Variants in PIAS1 observed in about 807,000 individuals in gnomAD.
PIAS1 encodes E3 SUMO-protein ligase PIAS1.
A neutral mutation model predicts 71.3 loss-of-function variants in PIAS1; 6 were observed. The observed-to-expected ratio is 0.08, with a 90% CI of 0.05 to 0.17. The LOEUF (loss-of-function observed/expected upper bound fraction) is 0.17. Among genes scored for constraint, PIAS1 ranks in the 10% least tolerant of loss-of-function variants. The pLI is 1.00. For synonymous variants in PIAS1, 303 were observed against 292.9 expected (o/e 1.03, Z -0.35); for missense variants, 555 against 793.6 (o/e 0.70, Z 3.61).
chr15:68,094,462 C>G (rs1356300217), intron 2 of PIAS1, among the ~76,000 whole-genome samples: 1 of 151,880 alleles, frequency 6.6e-6, no homozygotes, highest in East Asian at 1.9e-4. Context: ...TAAAATGATC[C>G]ATCAGGTTTT....
chr15:68,164,678 T>C, intron 7 of PIAS1, 53 bp from the exon 8 acceptor site: 1 of 934,214 alleles, frequency 1.1e-6, no homozygotes, highest in Non-Finnish European at 1.7e-6. Flanking sequence ...TCCAGTAATG[T>C]ATCTTTAATA....
intron 8 of PIAS1, among the ~76,000 whole-genome samples, chr15:68,168,248 A>C (rs1750063857): frequency 6.6e-6 from 1 of 151,954 alleles, no homozygotes; most frequent in South Asian, 2.1e-4. Context: ...ACCTCAAGTG[A>C]TCCGCTTGCC....
chr15:68,086,621 C>A lies in PIAS1; in HGVS notation c.340C>A (p.Leu114Met). ...ASSPLLPVSL[L>M]GPKHELELPH... The stretch of plus-strand genomic sequence containing the variant: ...ATCGCCATTACTCCCTGTTTCTCTT[C>A]TGGGACCTAAACATGAACTGGAACT... Residue 114 changes from leucine to methionine, a missense_variant, in exon 2 of 14, where the codon CTG (leucine) becomes ATG (methionine). Around this residue, in one of 5 missense-constraint regions of PIAS1, gnomAD observed 80 missense variants for 66.9 expected, o/e 1.20. Coordinates refer to ENST00000249636, the MANE Select transcript of PIAS1 (RefSeq NM_016166.3). The surrounding 1 kb of genome is among the most constrained non-coding windows in gnomAD (Gnocchi z 7.2). 1 of 1,613,698 alleles carries A rather than the reference C, an allele frequency of 6.2e-7. No homozygotes were observed. Among genetic ancestry groups the A allele is most frequent in the Non-Finnish European group, 8.5e-7 (1 of 1,179,610 alleles).
rs554428775 is a variant in PIAS1 at position 68,169,438 on chromosome 15, C to T, written c.1009-4294C>T. 7.2e-5 allele frequency among the ~76,000 whole-genome samples: 11 copies of T among 152,226 alleles called. No homozygotes were observed. In the East Asian group the frequency reaches 2.1e-3, roughly 29 times the overall value. On this transcript the variant is annotated intron_variant, in intron 8 of 13. Coordinates refer to ENST00000249636, the MANE Select transcript of PIAS1 (RefSeq NM_016166.3). ...CCTATAATGCCAGCACTTTGGGAGG[C>T]CAAGGTGTGCAGATCACTTGATGCC...
chr15:68,131,515 T>G (rs2092687914), intron 2 of PIAS1, among the ~76,000 whole-genome samples: 1 of 152,130 alleles, frequency 6.6e-6, no homozygotes. Context: ...CTTCTAACCA[T>G]ATCTGGTAAC....
chr15:68,107,896 T>C (rs2092486346), intron 2 of PIAS1, among the ~76,000 whole-genome samples: 1 of 152,144 alleles, frequency 6.6e-6, no homozygotes, highest in Non-Finnish European at 1.5e-5. Context: ...TTTTAAATGA[T>C]TTTTCTTTCT....
rs539325859 is a variant in PIAS1, at chr15:68,191,815, C to T, written c.*3980C>T. The T allele has an allele frequency of 1.3e-5, 2 of 152,266 alleles. No homozygotes were observed. The highest frequency in any genetic ancestry group is 4.8e-5 in the African/African-American group (2 of 41,560). The allele number at this position is 152,266 out of a possible 1,614,324, so 9.4% of individuals were successfully genotyped here. A position where few individuals can be genotyped will look rare whatever the true frequency, so the allele number is the denominator to read the frequency against. ...CCAGGACCAGGAGTAAGGTAACAGC[C>T]CTTCCTCGGGTAGAGGTTTGAATCA... On this transcript the variant is annotated 3_prime_UTR_variant, in exon 14 of 14. Coordinates refer to ENST00000249636, the MANE Select transcript of PIAS1 (RefSeq NM_016166.3).
intron 2 of PIAS1, among the ~76,000 whole-genome samples, chr15:68,123,283 G>A (rs951749995): frequency 4.6e-5 from 7 of 151,908 alleles, no homozygotes; most frequent in African/African-American, 7.3e-5. Context: ...AACTCCTGGC[G>A]TCAAGCAGTC....
Position 68,080,804 on chromosome 15 carries a change from T to C in PIAS1, c.25-5502T>C, listed in dbSNP as rs115439154. Among the ~76,000 whole-genome samples the C allele has an allele frequency of 5.4e-3, 821 of 152,354 alleles. 11 individuals carry two copies. The highest frequency in any genetic ancestry group is 0.019 in the African/African-American group (798 of 41,576). On this transcript the variant is annotated intron_variant, in intron 1 of 13. Transcript: ENST00000249636. Reference sequence around the variant, plus strand: ...CATTATTAAATCCCTATTTTGTCTGTCTTTGGAATTCATTCTGGTTTACAA... The same window carrying C: ...CATTATTAAATCCCTATTTTGTCTGCCTTTGGAATTCATTCTGGTTTACAA...
rs565432107 is a variant in PIAS1, at chr15:68,173,874, A to G, written c.1151A>G (p.Glu384Gly). Residue 384 changes from glutamate to glycine, a missense_variant, in exon 9 of 14, where the codon GAA becomes GGA. Transcript: ENST00000249636. The surrounding 1 kb of genome is among the most constrained non-coding windows in gnomAD (Gnocchi z 4.3). ...CPVCDKKAPY[E>G]HLIIDGLFME... ...GTCTGTGATAAGAAGGCTCCATATG[A>G]ACACCTTATTATTGATGGGTATGTT... is the stretch of plus-strand genomic sequence containing the variant. 1.3e-6 allele frequency: 2 copies of G among 1,568,860 alleles called. No individual in the cohort carries two copies. Among genetic ancestry groups the G allele is most frequent in the South Asian group, 2.4e-5 (2 of 84,812 alleles).
chr15:68,125,698 A>AT (rs940415259), intron 2 of PIAS1, among the ~76,000 whole-genome samples: 29 of 147,300 alleles, frequency 2.0e-4, no homozygotes, highest in Non-Finnish European at 2.8e-4. Flanking sequence ...CTGGTTTCCG[A>AT]TTTTTTTTTT....
At chr15:68,098,594 A>AAAGGGTTTGC (rs2092397643) in intron 2 of PIAS1, among the ~76,000 whole-genome samples, 2 of 152,318 alleles carry the variant, frequency 1.3e-5, no homozygotes, top group South Asian at 2.1e-4. Flanking sequence ...AAAAGTTACA[A>AAAGGGTTTGC]AAGGGTTTGC....
rs936425108 is a variant in PIAS1, at chr15:68,054,485, C to A, written c.24+135C>A. On this transcript the variant is annotated intron_variant, in intron 1 of 13. Coordinates refer to ENST00000249636, the MANE Select transcript of PIAS1 (RefSeq NM_016166.3). The surrounding 1 kb of genome is among the most constrained non-coding windows in gnomAD (Gnocchi z 4.6). The stretch of plus-strand genomic sequence containing the variant: ...GGGCCTGGAGTTGTAGGGAGAGAGG[C>A]GCGCCCGGTCTCAGCAGAGGGGGCC... The A allele has an allele frequency of 6.6e-6, 6 of 911,982 alleles. No individual in the cohort carries two copies. The South Asian group carries it at 8.3e-5, about 13-fold the overall frequency. The allele number at this position is 911,982 out of a possible 1,614,324, so 56.5% of individuals were successfully genotyped here.
intron 1 of PIAS1, among the ~76,000 whole-genome samples, chr15:68,071,076 G>A (rs1355108880): frequency 6.6e-6 from 1 of 152,142 alleles, no homozygotes; most frequent in East Asian, 1.9e-4. Flanking sequence ...AATTGTAGGG[G>A]TTTGTAGAAC....
intron 1 of PIAS1, among the ~76,000 whole-genome samples, chr15:68,078,782 A>C (rs1304506763): frequency 1.3e-5 from 2 of 152,220 alleles, no homozygotes; most frequent in African/African-American, 4.8e-5. Context: ...AATCATGCTT[A>C]CTATAATTAG....
intron 7 of PIAS1, among the ~76,000 whole-genome samples, chr15:68,161,820 C>T (rs868005364): frequency 6.6e-6 from 1 of 151,902 alleles, no homozygotes; most frequent in African/African-American, 2.4e-5. Context: ...ATCCCAGCTA[C>T]TTGGGAGGCT....
chr15:68,144,679 G>A (rs987368347), intron 4 of PIAS1, among the ~76,000 whole-genome samples: 1 of 152,096 alleles, frequency 6.6e-6, no homozygotes. Flanking sequence ...GAGTGGTCCT[G>A]TGAGCTTTGA....
chr15:68,132,076 G>C (rs2092691932), intron 2 of PIAS1, among the ~76,000 whole-genome samples: 1 of 150,114 alleles, frequency 6.7e-6, no homozygotes, highest in Non-Finnish European at 1.5e-5. Context: ...AAAGAAAGAA[G>C]AACCCTAGAG....
intron 6 of PIAS1, among the ~76,000 whole-genome samples, chr15:68,152,643 G>A (rs571841583): frequency 3.2e-4 from 49 of 152,158 alleles, no homozygotes; most frequent in Non-Finnish European, 6.3e-4. Context: ...AGTAGGCAGC[G>A]TATGTTAAGA....
Sources: allele counts gnomAD v4.1 joint callset (sites outside exome capture counted in the v4.1 genomes callset), GRCh38; gene constraint gnomAD v4.1.1; regional missense constraint gnomAD v4.1.1; non-coding constraint Gnocchi (gnomAD v3.1); transcripts MANE v1.5; gene names NCBI Gene and HGNC (gene_info 2026-07-23, HGNC 2026-07-21).